The following FCHSD2 variants were observed in gnomAD, a reference collection of about 807,000 sequenced individuals.
FCHSD2 encodes the protein FCH and double SH3 domains 2.
A neutral mutation model predicts 108.1 loss-of-function variants in FCHSD2; 38 were observed. The ratio of observed to expected loss-of-function variants is 0.35; its 90% CI spans 0.27 to 0.46. The LOEUF (loss-of-function observed/expected upper bound fraction) is 0.46, where lower values mean the gene tolerates loss of function less well. FCHSD2 is among the 20% of genes least tolerant of loss of function. The probability of loss-of-function intolerance (pLI) is 1.00; values close to 1 mark genes in which losing one functional copy is unlikely to be tolerated. For synonymous variants in FCHSD2, 279 were observed against 314.7 expected (o/e 0.89, Z 1.20); for missense variants, 751 against 897.8 (o/e 0.84, Z 2.09).
chr11:72,914,100 C>T (rs1329516497), intron 9 of FCHSD2, among the ~76,000 whole-genome samples: 5 of 152,062 alleles, frequency 3.3e-5, no homozygotes, highest in Non-Finnish European at 4.4e-5. Flanking sequence ...CTGCAAACTG[C>T]GCTTCCTGGG....
At chr11:72,855,860 A>G (rs1488926772) in intron 13 of FCHSD2, among the ~76,000 whole-genome samples, 1 of 152,166 alleles carries the variant, frequency 6.6e-6, no homozygotes, top group Non-Finnish European at 1.5e-5. Flanking sequence ...GAATAGAGGA[A>G]ATGACTGACT....
chr11:72,936,484 A>G (rs940392268), intron 8 of FCHSD2, among the ~76,000 whole-genome samples: 1 of 152,212 alleles, frequency 6.6e-6, no homozygotes, highest in Non-Finnish European at 1.5e-5. Context: ...TATCAAACTC[A>G]AGAATCTCGA....
At chr11:72,939,051 C>T (rs961013363) in intron 8 of FCHSD2, among the ~76,000 whole-genome samples, 9 of 152,016 alleles carry the variant, frequency 5.9e-5, no homozygotes, top group Non-Finnish European at 1.2e-4. Context: ...CCAAACTGTA[C>T]TTTTTTGGGG....
intron 8 of FCHSD2, among the ~76,000 whole-genome samples, chr11:72,957,795 G>T (rs1160180760): frequency 1.3e-5 from 2 of 151,958 alleles, no homozygotes; most frequent in Non-Finnish European, 2.9e-5. Context: ...AAAGAATAAT[G>T]ATAATGGATA....
chr11:72,890,068 AC>A, intron 10 of FCHSD2, 123 bp from the exon 11 acceptor site: 1 of 617,298 alleles, frequency 1.6e-6, no homozygotes, highest in Non-Finnish European at 2.9e-6. Flanking sequence ...ACGCTCCACT[AC>A]TGCTGGAAGC....
chr11:73,040,419 C>T (rs902813534), intron 3 of FCHSD2, among the ~76,000 whole-genome samples: 2 of 152,162 alleles, frequency 1.3e-5, no homozygotes, highest in African/African-American at 4.8e-5. Context: ...CACACAGATA[C>T]ACATTTGTAT....
intron 2 of FCHSD2, among the ~76,000 whole-genome samples, chr11:73,124,273 C>T (rs542567047): frequency 1.1e-4 from 17 of 151,908 alleles, no homozygotes; most frequent in African/African-American, 3.1e-4. Flanking sequence ...GATGGGGGGA[C>T]GGGGAAGGGA....
chr11:73,084,960 G>GA (rs768600117), intron 2 of FCHSD2, among the ~76,000 whole-genome samples: 536 of 106,668 alleles, frequency 5.0e-3, no homozygotes, highest in East Asian at 0.014. Context: ...TAAGAAGGAG[G>GA]AAAAAAAAAA....
intron 3 of FCHSD2, among the ~76,000 whole-genome samples, chr11:73,070,987 T>C (rs887130583): frequency 6.6e-6 from 1 of 152,228 alleles, no homozygotes; most frequent in African/African-American, 2.4e-5. Context: ...GAAGGGCCTT[T>C]ACACATGTTT....
chr11:73,044,992 C>A (rs779682839), intron 3 of FCHSD2, among the ~76,000 whole-genome samples: 9 of 151,738 alleles, frequency 5.9e-5, no homozygotes, highest in Non-Finnish European at 1.3e-4. Flanking sequence ...ATCACTTGAA[C>A]CTGGGAGGCG....
intron 8 of FCHSD2, among the ~76,000 whole-genome samples, chr11:72,973,365 C>A (rs755864738): frequency 6.8e-6 from 1 of 147,386 alleles, no homozygotes; most frequent in Non-Finnish European, 1.5e-5. Context: ...AAAGCTCCAT[C>A]TCAAAAAAAA....
intron 3 of FCHSD2, among the ~76,000 whole-genome samples, chr11:73,023,744 T>C (rs1858163186): frequency 6.6e-6 from 1 of 152,192 alleles, no homozygotes; most frequent in Admixed American, 6.5e-5. Context: ...ATTGATAAAC[T>C]TGGCAACAAA....
intron 2 of FCHSD2, among the ~76,000 whole-genome samples, chr11:73,113,967 C>G (rs1860551047): frequency 6.6e-6 from 1 of 152,078 alleles, no homozygotes; most frequent in South Asian, 2.1e-4. Context: ...GGGCCTAGGG[C>G]TCTACAATCA....
intron 3 of FCHSD2, among the ~76,000 whole-genome samples, chr11:73,046,291 C>T (rs1266399772): frequency 6.6e-6 from 1 of 152,050 alleles, no homozygotes; most frequent in Non-Finnish European, 1.5e-5. Context: ...CATCCCCAGC[C>T]TCTGTAAGAA....
intron 3 of FCHSD2, among the ~76,000 whole-genome samples, chr11:73,066,080 C>T (rs1859284730): frequency 1.3e-5 from 2 of 152,144 alleles, no homozygotes; most frequent in Admixed American, 6.5e-5. Context: ...AAGCTGGAGG[C>T]ATCACGCTAC....
At chr11:73,022,422 C>G (rs1462131977) in intron 3 of FCHSD2, among the ~76,000 whole-genome samples, 6 of 152,164 alleles carry the variant, frequency 3.9e-5, no homozygotes, top group Admixed American at 2.0e-4. Flanking sequence ...CAAAGTTGCA[C>G]AATACAACGT....
intron 2 of FCHSD2, among the ~76,000 whole-genome samples, chr11:73,104,792 TC>T (rs1378368843): frequency 6.6e-6 from 1 of 152,002 alleles, no homozygotes; most frequent in African/African-American, 2.4e-5. Context: ...GGTCTCAAAC[TC>T]CTGACCTCAG....
At chr11:72,867,725 G>T in intron 13 of FCHSD2, 140 bp downstream of exon 13, 1 of 656,050 alleles carries the variant, frequency 1.5e-6, no homozygotes, top group Non-Finnish European at 2.5e-6. Flanking sequence ...ATCAATTAGT[G>T]ATAGGCTGAA....
At chr11:73,013,684 C>T (rs1857909209) in intron 4 of FCHSD2, among the ~76,000 whole-genome samples, 1 of 152,198 alleles carries the variant, frequency 6.6e-6, no homozygotes, top group African/African-American at 2.4e-5. Flanking sequence ...GAGTTCTTAG[C>T]ACAGTGTCTG....
Sources: gnomAD v4.1 joint callset for allele counts (sites outside exome capture counted in the v4.1 genomes callset) on GRCh38, gnomAD v4.1.1 for gene constraint, MANE v1.5 for transcripts, NCBI Gene and HGNC (gene_info 2026-07-23, HGNC 2026-07-21) for gene names.